FSHB: variants seen among roughly 807,000 people sequenced by gnomAD.
FSHB encodes the protein follicle stimulating hormone subunit beta.
In FSHB, 8 loss-of-function variants were observed where a neutral mutation model predicts 12.1. The observed-to-expected ratio is 0.66, with a 90% CI of 0.39 to 1.19. The LOEUF (loss-of-function observed/expected upper bound fraction) is 1.19, where lower values mean the gene tolerates loss of function less well. Among genes scored for constraint, FSHB ranks in the 50% most tolerant of loss-of-function variants. FSHB has a pLI of 0.01. For missense variants in FSHB, 153 were observed against 157.2 expected, an observed-to-expected ratio of 0.97 and a Z score of 0.14; for synonymous variants, 55 against 54.6, an observed-to-expected ratio of 1.01 and a Z score of -0.04.
intron 2 of FSHB, among the ~76,000 whole-genome samples, chr11:30,232,808 G>T (rs947192685): frequency 1.3e-5 from 2 of 152,004 alleles, no homozygotes; most frequent in Non-Finnish European, 2.9e-5. Flanking sequence ...TTAAATGAAC[G>T]ATACTTTATT....
At position 30,233,605 on chromosome 11, in the gene FSHB, C is replaced by G; in HGVS notation, c.195C>G (p.Ile65Met). The G allele has an allele frequency of 1.2e-6, 2 of 1,613,980 alleles. No homozygotes were observed. Among genetic ancestry groups the G allele is most frequent in the East Asian group, 2.2e-5 (1 of 44,850 alleles). The part of the protein sequence containing the change: ...LVYKDPARPK[I>M]QKTCTFKELV... ...ATAAGGACCCAGCCAGGCCCAAAAT[C>G]CAGAAAACATGTACCTTCAAGGAAC... The change falls in exon 3 of 3, where the codon ATC (isoleucine) becomes ATG (methionine). Residue 65 changes from isoleucine (I) to methionine (M), a missense_variant. Transcript: ENST00000533718.
intron 2 of FSHB, among the ~76,000 whole-genome samples, chr11:30,232,647 G>C (rs1453325550): frequency 2.0e-5 from 3 of 152,148 alleles, no homozygotes; most frequent in Non-Finnish European, 4.4e-5. Context: ...CCAAGACATA[G>C]AGGCATCAGT....
chr11:30,232,885 A>G (rs74566831), intron 2 of FSHB, among the ~76,000 whole-genome samples: 32 of 152,280 alleles, frequency 2.1e-4, no homozygotes, highest in Non-Finnish European at 3.8e-4. Flanking sequence ...TGGGATATAC[A>G]TTTGGTAGGA....
chr11:30,231,697 T>C (rs145825698), intron 1 of FSHB, among the ~76,000 whole-genome samples, 169 bp from the exon 2 acceptor site: 8 of 152,008 alleles, frequency 5.3e-5, no homozygotes, highest in Non-Finnish European at 8.8e-5. Flanking sequence ...GACCCAAAAA[T>C]TGAAGAAGGA....
Position 30,234,802 on chromosome 11 carries a change from G to A in FSHB, c.*1002G>A, listed in dbSNP as rs1852060463. On this transcript the variant is annotated 3_prime_UTR_variant, in exon 3 of 3. Coordinates refer to ENST00000533718, the MANE Select transcript of FSHB (RefSeq NM_001382289.1). ...AGCTCCTTTAGAAAGAATTAGCCATGGGGGACGAGGGGAAACTGCTGTTTT... is the reference window on the plus strand; with the variant it reads ...AGCTCCTTTAGAAAGAATTAGCCATAGGGGACGAGGGGAAACTGCTGTTTT... 6.6e-6 allele frequency: 1 copy of A among 152,144 alleles called. No individual in the cohort carries two copies. The highest frequency in any genetic ancestry group is 2.4e-5 in the African/African-American group (1 of 41,428). The allele number at this position is 152,144 out of a possible 1,614,324, so 9.4% of individuals were successfully genotyped here. A position where few individuals can be genotyped will look rare whatever the true frequency, so the allele number is the denominator to read the frequency against.
Position 30,235,155 on chromosome 11 carries a change from T to C in FSHB, c.*1355T>C, listed in dbSNP as rs1469581596. 2 of 152,194 alleles carry C rather than the reference T, an allele frequency of 1.3e-5. No individual in the cohort carries two copies. Among genetic ancestry groups the C allele is most frequent in the African/African-American group, 4.8e-5 (2 of 41,460 alleles). 9.4% of individuals were successfully genotyped at this position (152,194 alleles called of 1,614,324 possible). A position where few individuals can be genotyped will look rare whatever the true frequency, so the allele number is the denominator to read the frequency against. The stretch of plus-strand genomic sequence containing the variant: ...TCCCAGTGTTTCTATAAATATTACC[T>C]TTCCTTATCTTTGGAGATATTAAAA... On this transcript the variant is annotated 3_prime_UTR_variant, in exon 3 of 3. Transcript: ENST00000533718.
chr11:30,232,007 T>C lies in FSHB; in HGVS notation c.105T>C (p.Cys35=). 6.2e-7 allele frequency: 1 copy of C among 1,613,988 alleles called. No individual in the cohort carries two copies. Reference sequence around the variant, plus strand: ...CCATTGCAATAGAGAAAGAAGAATGTCGTTTCTGCATAAGCATCAACACCA... The same window carrying C: ...CCATTGCAATAGAGAAAGAAGAATGCCGTTTCTGCATAAGCATCAACACCA... The part of the protein sequence containing the change: ...NITIAIEKEE[C]RFCISINTTW... Residue 35 remains cysteine (C), a synonymous_variant, in exon 2 of 3, where the codon TGT becomes TGC. Coordinates refer to ENST00000533718, the MANE Select transcript of FSHB (RefSeq NM_001382289.1).
rs754680251 is a variant in FSHB at position 30,233,614 on chromosome 11, A to G, written c.204A>G (p.Thr68=). ...CAGCCAGGCCCAAAATCCAGAAAACATGTACCTTCAAGGAACTGGTATACG... is the reference window on the plus strand; with the variant it reads ...CAGCCAGGCCCAAAATCCAGAAAACGTGTACCTTCAAGGAACTGGTATACG... ...KDPARPKIQK[T]CTFKELVYET... Residue 68 remains threonine (T), a synonymous_variant, in exon 3 of 3, where the codon ACA becomes ACG. Transcript: ENST00000533718. 2.6e-5 allele frequency: 42 copies of G among 1,614,026 alleles called. No homozygotes were observed. The highest frequency in any genetic ancestry group is 2.5e-5 in the Non-Finnish European group (30 of 1,179,942).
chr11:30,231,814 T>C, intron 1 of FSHB, 52 bp from the exon 2 acceptor site: 1 of 1,434,390 alleles, frequency 7.0e-7, no homozygotes, highest in Non-Finnish European at 9.8e-7. Context: ...GCAGACCAAT[T>C]ATTTTTGGTT....
Position 30,233,754 on chromosome 11 carries a change from G to A in FSHB, c.344G>A (p.Arg115Gln), listed in dbSNP as rs151303573. 679 of 1,613,904 alleles carry A rather than the reference G, an allele frequency of 4.2e-4. No homozygotes were observed. Among genetic ancestry groups the A allele is most frequent in the Non-Finnish European group, 5.4e-4 (639 of 1,179,930 alleles). The change falls in exon 3 of 3, where the codon CGA (arginine) becomes CAA (glutamine). Residue 115 changes from arginine to glutamine, a missense_variant. Physicochemically the swap from Arg to Gln is conservative, Grantham distance 43. Coordinates refer to ENST00000533718, the MANE Select transcript of FSHB (RefSeq NM_001382289.1). The stretch of plus-strand genomic sequence containing the variant: ...AGCGACAGCACTGATTGTACTGTGC[G>A]AGGCCTGGGGCCCAGCTACTGCTCC... ...CDSDSTDCTV[R>Q]GLGPSYCSFG...
At position 30,232,807 on chromosome 11, in the gene FSHB, C is replaced by T. The variant is rs77193389; in HGVS notation, c.159+746C>T. Among the ~76,000 whole-genome samples the T allele has an allele frequency of 1.2e-3, 182 of 152,196 alleles. 1 individual carries two copies. Among genetic ancestry groups the T allele is most frequent in the African/African-American group, 3.8e-3 (159 of 41,528 alleles). On this transcript the variant is annotated intron_variant, in intron 2 of 2. Transcript: ENST00000533718. ...TGAAAATGGCAACTTTTTAAATGAACGATACTTTATTTGACGGTAAATGAG... is the reference window on the plus strand; with the variant it reads ...TGAAAATGGCAACTTTTTAAATGAATGATACTTTATTTGACGGTAAATGAG...
At chr11:30,232,918 C>T (rs1176603435) in intron 2 of FSHB, among the ~76,000 whole-genome samples, 3 of 151,998 alleles carry the variant, frequency 2.0e-5, no homozygotes, top group Admixed American at 1.3e-4. Context: ...AAACAGAAGC[C>T]CCAATTTCTC....
At position 30,232,024 on chromosome 11, in the gene FSHB, T is replaced by C. The variant is rs911993505; in HGVS notation, c.122T>C (p.Ile41Thr). 1 of 1,614,006 alleles carries C rather than the reference T, an allele frequency of 6.2e-7. No individual in the cohort carries two copies. Among genetic ancestry groups the C allele is most frequent in the Non-Finnish European group, 8.5e-7 (1 of 1,179,890 alleles). ...EKEECRFCIS[I>T]NTTWCAGYCY... Reference sequence around the variant, plus strand: ...GAAGAATGTCGTTTCTGCATAAGCATCAACACCACTTGGTGTGCTGGCTAC... The same window carrying C: ...GAAGAATGTCGTTTCTGCATAAGCACCAACACCACTTGGTGTGCTGGCTAC... Residue 41 changes from isoleucine (I) to threonine (T), a missense_variant, in exon 2 of 3, where the codon ATC (isoleucine) becomes ACC (threonine). Ile to Thr is a moderately conservative substitution (Grantham distance 89, BLOSUM62 -1). Coordinates refer to ENST00000533718, the MANE Select transcript of FSHB (RefSeq NM_001382289.1).
chr11:30,234,397 G>T lies in FSHB; in HGVS notation c.*597G>T, dbSNP rs1300973014. 2 of 159,906 alleles carry T rather than the reference G, an allele frequency of 1.3e-5. No homozygotes were observed. Among genetic ancestry groups the T allele is most frequent in the East Asian group, 1.8e-4 (1 of 5,578 alleles). 9.9% of individuals were successfully genotyped at this position (159,906 alleles called of 1,614,324 possible). A position where few individuals can be genotyped will look rare whatever the true frequency, so the allele number is the denominator to read the frequency against. On this transcript the variant is annotated 3_prime_UTR_variant, in exon 3 of 3. Transcript: ENST00000533718. ...AAGTTAGTGGCATCAGTTCCACCTC[G>T]CCTTTTCTCCAGCACATGGAGTATT...
At chr11:30,231,598 T>C (rs1259480217) in intron 1 of FSHB, among the ~76,000 whole-genome samples, 2 of 152,240 alleles carry the variant, frequency 1.3e-5, no homozygotes, top group Non-Finnish European at 2.9e-5. Flanking sequence ...AATTACTTTA[T>C]GACAGTCAGC....
At chr11:30,233,341 T>C (rs1002901112) in intron 2 of FSHB, among the ~76,000 whole-genome samples, 2 of 152,170 alleles carry the variant, frequency 1.3e-5, no homozygotes, top group African/African-American at 4.8e-5. Context: ...TTTTGAAAAA[T>C]AGTTAATATT....
chr11:30,232,124 G>A, intron 2 of FSHB, 63 bp downstream of exon 2: 1 of 1,517,460 alleles, frequency 6.6e-7, no homozygotes. Flanking sequence ...GGTTTCATTA[G>A]TTTCTACTTT....
chr11:30,233,553 CTTCTT>C lies in FSHB; in HGVS notation c.160-16_160-12del, dbSNP rs769112345. On this transcript the variant is annotated splice_polypyrimidine_tract_variant and intron_variant, in intron 2 of 2. Transcript: ENST00000533718. ...TTCCACAATACCATAACCTAACTCTCTTCTTAAACTCCTCAGGATCTGGTGTATAA... is the reference window on the plus strand; with the variant it reads ...TTCCACAATACCATAACCTAACTCTCAAACTCCTCAGGATCTGGTGTATAA... The C allele has an allele frequency of 6.3e-7, 1 of 1,592,720 alleles. No individual in the cohort carries two copies. Among genetic ancestry groups the C allele is most frequent in the Non-Finnish European group, 8.6e-7 (1 of 1,160,662 alleles).
rs1852056436 is a variant in FSHB, at chr11:30,234,539, T to G, written c.*739T>G. On this transcript the variant is annotated 3_prime_UTR_variant, in exon 3 of 3. Coordinates refer to ENST00000533718, the MANE Select transcript of FSHB (RefSeq NM_001382289.1). The stretch of plus-strand genomic sequence containing the variant: ...AAGGGCAAAGGCAAGAAATTGTAAT[T>G]TGGGGCTGTGGAAATTAGCCTGCCT... 1 of 152,312 alleles carries G rather than the reference T, an allele frequency of 6.6e-6. No individual in the cohort carries two copies. Among genetic ancestry groups the G allele is most frequent in the African/African-American group, 2.4e-5 (1 of 41,436 alleles). The allele number at this position is 152,312 out of a possible 1,614,324, so 9.4% of individuals were successfully genotyped here.
Sources: allele counts gnomAD v4.1 joint callset (sites outside exome capture counted in the v4.1 genomes callset), GRCh38; gene constraint gnomAD v4.1.1; transcripts MANE v1.5; gene names NCBI Gene and HGNC (gene_info 2026-07-23, HGNC 2026-07-21).